The following MPDZ variants were observed in gnomAD, a reference collection of about 807,000 sequenced individuals.
MPDZ encodes the protein multiple PDZ domain protein.
In MPDZ, 234 loss-of-function variants were observed where a neutral mutation model predicts 239.1. That is an observed-to-expected ratio of 0.98 (90% CI 0.88 to 1.09). The LOEUF (loss-of-function observed/expected upper bound fraction) is 1.09, where lower values mean the gene tolerates loss of function less well. Among genes scored for constraint, MPDZ ranks in the 50% least tolerant of loss-of-function variants. MPDZ has a pLI of 0.00. For synonymous variants in MPDZ, 1,048 were observed against 881.3 expected (o/e 1.19, Z -3.35); for missense variants, 3,175 against 2,510.0 (o/e 1.26, Z -5.66).
intron 19 of MPDZ, 21 bp from the exon 20 acceptor site, chr9:13,176,438 A>G: frequency 2.0e-6 from 3 of 1,507,534 alleles, no homozygotes; most frequent in Non-Finnish European, 2.7e-6. Context: ...AAAAACAACA[A>G]CAACAAAACA....
At chr9:13,248,661 C>T (rs1966975613) in intron 2 of MPDZ, among the ~76,000 whole-genome samples, 1 of 151,384 alleles carries the variant, frequency 6.6e-6, no homozygotes, top group Non-Finnish European at 1.5e-5. Context: ...TTGCCATATC[C>T]CAGTAATGTT....
chr9:13,236,561 G>A (rs1030892900), intron 3 of MPDZ, among the ~76,000 whole-genome samples: 9 of 151,368 alleles, frequency 5.9e-5, no homozygotes, highest in Non-Finnish European at 1.3e-4. Flanking sequence ...GATTACAGGC[G>A]TGAGCCACTG....
chr9:13,149,359 GTAAGT>G, intron 25 of MPDZ, among the ~76,000 whole-genome samples: 1 of 152,134 alleles, frequency 6.6e-6, no homozygotes. Flanking sequence ...CTTCCAGTGT[GTAAGT>G]TATATGGGTT....
chr9:13,279,270 CCCCCA>C (rs1975065038), intron 1 of MPDZ, 125 bp downstream of exon 1: 3 of 129,726 alleles, frequency 2.3e-5, no homozygotes, highest in East Asian at 2.7e-4. Flanking sequence ...CCCACCCCCA[CCCCCA>C]TCCCCGCCCC....
At chr9:13,155,118 G>A (rs1397346086) in intron 24 of MPDZ, among the ~76,000 whole-genome samples, 3 of 150,094 alleles carry the variant, frequency 2.0e-5, no homozygotes, top group Non-Finnish European at 4.4e-5. Flanking sequence ...TTAGGAGGCT[G>A]AGGCAGGAGA....
At chr9:13,178,250 C>A (rs992756986) in intron 19 of MPDZ, among the ~76,000 whole-genome samples, 1 of 122,844 alleles carries the variant, frequency 8.1e-6, no homozygotes, top group African/African-American at 2.8e-5. Flanking sequence ...CAGAGCGAGA[C>A]TGCATCTCAA....
intron 13 of MPDZ, among the ~76,000 whole-genome samples, chr9:13,195,656 A>G (rs1192966063): frequency 2.6e-5 from 4 of 152,156 alleles, no homozygotes; most frequent in Admixed American, 2.6e-4. Context: ...AAGTGGTATG[A>G]AAAAAAGTAT....
At chr9:13,108,803 G>A in intron 46 of MPDZ, 133 bp downstream of exon 46, 2 of 822,336 alleles carry the variant, frequency 2.4e-6, no homozygotes, top group Non-Finnish European at 3.4e-6. Flanking sequence ...TGTTCCTGTA[G>A]GGAGTTTTGA....
At chr9:13,214,829 G>A (rs1017654589) in intron 10 of MPDZ, among the ~76,000 whole-genome samples, 2 of 151,894 alleles carry the variant, frequency 1.3e-5, no homozygotes, top group African/African-American at 4.8e-5. Flanking sequence ...CAGATGAGGT[G>A]GCAAGCACAA....
In MPDZ at chr9:13,222,282, A is replaced by G. The variant is rs758716928; in HGVS notation, c.698T>C (p.Val233Ala). The change falls in exon 6 of 47, where the codon GTT (valine) becomes GCT (alanine). Residue 233 changes from valine (V) to alanine (A), a missense_variant. By Grantham distance (64) the Val-to-Ala change is moderately conservative (BLOSUM62 0). Coordinates refer to ENST00000319217, the MANE Select transcript of MPDZ (RefSeq NM_001378778.1). ...GSLPQLVSPI[V>A]SRSPSAASTI... ...GCTGGCTGCAGATGGAGAACGGGAA[A>G]CTATGGGGCTGACAAGCTGAGGCAA... The G allele has an allele frequency of 6.2e-7, 1 of 1,612,732 alleles. No homozygotes were observed. The highest frequency in any genetic ancestry group is 1.3e-5 in the African/African-American group (1 of 74,844).
chr9:13,123,162 G>A lies in MPDZ; in HGVS notation c.4944C>T (p.Asp1648=). Residue 1648 remains aspartate, a synonymous_variant, in exon 36 of 47, where the codon GAC becomes GAT. Transcript: ENST00000319217. ...GLGLSIVGGS[D]TLLGAIIIHE... is the part of the protein sequence containing the mutation. ...TCTGGGTGGTGCTCACCAGCAGCGT[G>A]TCTGAACCCCCAACGATGCTCAGGC... 1 of 1,612,216 alleles carries A rather than the reference G, an allele frequency of 6.2e-7. No individual in the cohort carries two copies. Among genetic ancestry groups the A allele is most frequent in the Middle Eastern group, 2.0e-4 (1 of 5,002 alleles).
rs113752963 is a variant in MPDZ, at chr9:13,110,286, G to T, written c.5830-222C>A. Among the ~76,000 whole-genome samples, 733 of 152,174 alleles carry T rather than the reference G, an allele frequency of 4.8e-3. 8 individuals carry two copies. Among genetic ancestry groups the T allele is most frequent in the African/African-American group, 0.017 (710 of 41,524 alleles). ...TATTCTTCTAATTCTATTCTACAAA[G>T]TTCTTTGATGTTTTTAAAATGTGGT... On this transcript the variant is annotated intron_variant, in intron 44 of 46. Transcript: ENST00000319217.
At chr9:13,224,238 C>T (rs561489606) in intron 4 of MPDZ, 136 bp downstream of exon 4, 1 of 746,060 alleles carries the variant, frequency 1.3e-6, no homozygotes, top group Admixed American at 3.0e-5. Flanking sequence ...CATCTAAACT[C>T]CCACAAAACT....
At chr9:13,242,391 A>G (rs1338080593) in intron 3 of MPDZ, among the ~76,000 whole-genome samples, 3 of 151,676 alleles carry the variant, frequency 2.0e-5, no homozygotes, top group African/African-American at 7.3e-5. Context: ...ACGCTCGGCT[A>G]ATTTTTGTAT....
chr9:13,116,610 G>C (rs1015960073), intron 39 of MPDZ, among the ~76,000 whole-genome samples: 7 of 152,022 alleles, frequency 4.6e-5, no homozygotes, highest in Non-Finnish European at 1.0e-4. Context: ...TATATTTTCA[G>C]TTTACATAAC....
intron 3 of MPDZ, among the ~76,000 whole-genome samples, chr9:13,243,779 A>G (rs1008179139): frequency 3.9e-5 from 6 of 152,232 alleles, no homozygotes; most frequent in African/African-American, 1.4e-4. Flanking sequence ...TTACGCATCT[A>G]GATGATATAT....
At chr9:13,192,090 A>G (rs1403222746) in intron 15 of MPDZ, 41 bp downstream of exon 15, 3 of 1,458,030 alleles carry the variant, frequency 2.1e-6, no homozygotes, top group Admixed American at 4.6e-5. Context: ...TAGCCTTTCC[A>G]TTATATATGT....
At chr9:13,201,846 G>A (rs540030700) in intron 12 of MPDZ, among the ~76,000 whole-genome samples, 10 of 152,048 alleles carry the variant, frequency 6.6e-5, no homozygotes, top group Non-Finnish European at 1.5e-4. Flanking sequence ...TGTGATCCTG[G>A]ATTATTTTTT....
chr9:13,228,987 A>G (rs773153149), intron 3 of MPDZ, among the ~76,000 whole-genome samples: 19 of 152,274 alleles, frequency 1.2e-4, no homozygotes, highest in East Asian at 3.9e-4. Flanking sequence ...CCTGGGTATC[A>G]TTCAATATGC....
Sources: gnomAD v4.1 joint callset for allele counts (sites outside exome capture counted in the v4.1 genomes callset) on GRCh38, gnomAD v4.1.1 for gene constraint, MANE v1.5 for transcripts, NCBI Gene and HGNC (gene_info 2026-07-23, HGNC 2026-07-21) for gene names.